Variants in SUFU observed in about 807,000 individuals in gnomAD.
The protein encoded by SUFU is suppressor of fused homolog.
Under a neutral mutation model 58.9 loss-of-function variants are expected in SUFU, and 7 were observed. That is an observed-to-expected ratio of 0.12 (90% confidence interval 0.07 to 0.22). SUFU has a LOEUF of 0.22. Ranked by LOEUF, SUFU falls within the 10% of genes least tolerant of loss-of-function variation. The pLI, the probability that SUFU is intolerant of heterozygous loss-of-function variation, is 1.00. For missense variants in SUFU, 451 were observed against 641.3 expected (o/e 0.70, Z 3.20); for synonymous variants, 232 against 254.8 (o/e 0.91, Z 0.85).
chr10:102,561,749 G>A (rs2063039765), intron 3 of SUFU, among the ~76,000 whole-genome samples: 1 of 145,944 alleles, frequency 6.9e-6, no homozygotes, highest in Non-Finnish European at 1.5e-5. Context: ...GCTCACTGCA[G>A]CTTTGACCTC....
At chr10:102,589,594 C>T (rs759563277) in intron 3 of SUFU, among the ~76,000 whole-genome samples, 2 of 151,560 alleles carry the variant, frequency 1.3e-5, no homozygotes, top group African/African-American at 2.4e-5. Context: ...TACAGGTGCA[C>T]GCCACCACGC....
rs59877393 is a variant in SUFU at position 102,568,874 on chromosome 10, C to CA, written c.454+18792dup. Among the ~76,000 whole-genome samples the CA allele has an allele frequency of 2.0e-3, 29 of 14,542 alleles. 2 individuals are homozygous for CA. Among genetic ancestry groups the CA allele is most frequent in the African/African-American group, 7.2e-3 (21 of 2,906 alleles). The allele number at this position is 14,542 out of a possible 152,430, so 9.5% of individuals were successfully genotyped here. A position where few individuals can be genotyped will look rare whatever the true frequency, so the allele number is the denominator to read the frequency against. The stretch of plus-strand genomic sequence containing the variant: ...GGGCGACAAGAGCAAAACTCTGTCT[C>CA]AAAAAAAAAAAAAAAAAAAAAAAAT... On this transcript the variant is annotated intron_variant, in intron 3 of 11. Transcript: ENST00000369902.
At chr10:102,615,672 G>A (rs1266617262) in intron 9 of SUFU, among the ~76,000 whole-genome samples, 3 of 152,190 alleles carry the variant, frequency 2.0e-5, no homozygotes, top group African/African-American at 7.2e-5. Context: ...CTGTGAACCA[G>A]CCAGTCGCCC....
intron 10 of SUFU, among the ~76,000 whole-genome samples, chr10:102,620,490 C>T (rs1428249018): frequency 1.3e-5 from 2 of 152,208 alleles, no homozygotes; most frequent in African/African-American, 2.4e-5. Flanking sequence ...CCAGGTGGAG[C>T]ACAGTGGACA....
intron 3 of SUFU, among the ~76,000 whole-genome samples, chr10:102,551,152 G>A (rs1171989699): frequency 6.6e-6 from 1 of 152,188 alleles, no homozygotes; most frequent in African/African-American, 2.4e-5. Flanking sequence ...CCAGTTGTTG[G>A]CACATGAGGC....
chr10:102,549,219 C>G (rs1420818806), intron 2 of SUFU, among the ~76,000 whole-genome samples: 1 of 152,092 alleles, frequency 6.6e-6, no homozygotes, highest in Non-Finnish European at 1.5e-5. Context: ...TAAAGACATA[C>G]CTGAGATTGG....
At chr10:102,601,359 G>C (rs995408581) in intron 8 of SUFU, among the ~76,000 whole-genome samples, 1 of 152,162 alleles carries the variant, frequency 6.6e-6, no homozygotes, top group Admixed American at 6.5e-5. Context: ...GTCGGGTATT[G>C]GTTCTGGCCC....
intron 3 of SUFU, among the ~76,000 whole-genome samples, chr10:102,588,809 A>G (rs541306158): frequency 1.3e-5 from 2 of 152,338 alleles, no homozygotes; most frequent in South Asian, 4.1e-4. Flanking sequence ...GATGTTTTGT[A>G]GTTTTCAGAG....
At chr10:102,554,468 A>C (rs1375415193) in intron 3 of SUFU, among the ~76,000 whole-genome samples, 1 of 152,184 alleles carries the variant, frequency 6.6e-6, no homozygotes, top group African/African-American at 2.4e-5. Flanking sequence ...CACAAACCAC[A>C]TACACCCATG....
chr10:102,521,334 C>T (rs994293956), intron 2 of SUFU, among the ~76,000 whole-genome samples: 8 of 152,184 alleles, frequency 5.3e-5, no homozygotes, highest in Admixed American at 5.2e-4. Flanking sequence ...TCTGCCCATA[C>T]ATACCTTTTT....
chr10:102,576,565 T>TCC (rs2063214125), intron 3 of SUFU, among the ~76,000 whole-genome samples: 1 of 152,230 alleles, frequency 6.6e-6, no homozygotes, highest in East Asian at 1.9e-4. Flanking sequence ...TATTCATTCC[T>TCC]CCTTGTGACA....
intron 2 of SUFU, among the ~76,000 whole-genome samples, chr10:102,524,202 C>G (rs2062581998): frequency 6.6e-6 from 1 of 152,142 alleles, no homozygotes; most frequent in Admixed American, 6.6e-5. Context: ...GTCAGGGTCT[C>G]ACTATGTTAC....
intron 2 of SUFU, among the ~76,000 whole-genome samples, chr10:102,513,919 C>G (rs2062432385): frequency 6.6e-6 from 1 of 152,146 alleles, no homozygotes; most frequent in South Asian, 2.1e-4. Context: ...TGGTCTCGCT[C>G]TGTTGCCTAG....
chr10:102,540,840 G>A (rs1365774084), intron 2 of SUFU, among the ~76,000 whole-genome samples: 1 of 151,696 alleles, frequency 6.6e-6, no homozygotes, highest in African/African-American at 2.4e-5. Flanking sequence ...TGGCCAACAT[G>A]GTGAAACCCT....
chr10:102,612,197 G>C (rs929700400), intron 8 of SUFU, among the ~76,000 whole-genome samples: 1 of 117,272 alleles, frequency 8.5e-6, no homozygotes, highest in African/African-American at 3.1e-5. Flanking sequence ...GTGTGTGTGT[G>C]TGTGTGTGTG....
At chr10:102,583,686 G>A (rs962002496) in intron 3 of SUFU, among the ~76,000 whole-genome samples, 1 of 151,970 alleles carries the variant, frequency 6.6e-6, no homozygotes, top group Non-Finnish European at 1.5e-5. Context: ...CCCGGTTTGG[G>A]GTATGTTTCT....
intron 8 of SUFU, among the ~76,000 whole-genome samples, chr10:102,601,765 C>A (rs1269777498): frequency 6.6e-6 from 1 of 152,176 alleles, no homozygotes. Context: ...TGGGACCTGA[C>A]CCCATTTCAC....
At chr10:102,524,088 T>C (rs1482373550) in intron 2 of SUFU, among the ~76,000 whole-genome samples, 1 of 152,184 alleles carries the variant, frequency 6.6e-6, no homozygotes. Flanking sequence ...AGGCCTTCCC[T>C]GACCTCCTTA....
chr10:102,516,339 G>T (rs2062470134), intron 2 of SUFU, among the ~76,000 whole-genome samples: 1 of 151,962 alleles, frequency 6.6e-6, no homozygotes, highest in Non-Finnish European at 1.5e-5. Flanking sequence ...CTCCCAAAGT[G>T]CTGGGATTTC....
Sources: gnomAD v4.1 joint callset for allele counts (sites outside exome capture counted in the v4.1 genomes callset) on GRCh38, gnomAD v4.1.1 for gene constraint, MANE v1.5 for transcripts, NCBI Gene and HGNC (gene_info 2026-07-23, HGNC 2026-07-21) for gene names.